The following NUFIP2 variants were observed in gnomAD, a reference collection of about 807,000 sequenced individuals.
NUFIP2 encodes FMR1-interacting protein NUFIP2.
NUFIP2 carries 6 observed loss-of-function variants against 56.9 expected under a neutral mutation model. That is an observed-to-expected ratio of 0.11 (90% CI 0.06 to 0.21). The LOEUF (loss-of-function observed/expected upper bound fraction) is 0.21, where lower values mean the gene tolerates loss of function less well. Ranked by LOEUF, NUFIP2 falls within the 10% of genes least tolerant of loss-of-function variation. NUFIP2 has a pLI of 1.00. For missense variants in NUFIP2, 828 were observed against 826.8 expected (o/e 1.00, Z -0.02); for synonymous variants, 321 against 298.2 (o/e 1.08, Z -0.79).
chr17:29,265,991 A>G (rs1168284277), intron 3 of NUFIP2, among the ~76,000 whole-genome samples: 5 of 152,000 alleles, frequency 3.3e-5, no homozygotes, highest in East Asian at 3.9e-4. Context: ...TTTTTTTCAG[A>G]CGAAGTTTCG....
In NUFIP2 at chr17:29,293,874, G is replaced by C; in HGVS notation, c.186C>G (p.Ala62=). Residue 62 remains alanine, a synonymous_variant, in exon 1 of 4, where the codon GCC becomes GCG. Transcript: ENST00000225388. ...TTGGCTGGGCCTTGGGGCTGCCCTC[G>C]GCTCCATGCTGCAGGTATTGGTGAG... The part of the protein sequence containing the change: ...QQPHQYLQHG[A]EGSPKAQPKP... The C allele has an allele frequency of 1.2e-6, 2 of 1,613,564 alleles. No homozygotes were observed. The highest frequency in any genetic ancestry group is 1.3e-5 in the African/African-American group (1 of 74,978).
chr17:29,288,093 G>T (rs987387272), intron 1 of NUFIP2, among the ~76,000 whole-genome samples: 8 of 152,208 alleles, frequency 5.3e-5, no homozygotes, highest in Admixed American at 1.3e-4. Flanking sequence ...GCCCAGGCTG[G>T]AGTGCAGTGG....
At chr17:29,272,267 G>C (rs2069079291) in intron 2 of NUFIP2, among the ~76,000 whole-genome samples, 1 of 141,472 alleles carries the variant, frequency 7.1e-6, no homozygotes, top group Non-Finnish European at 1.5e-5. Flanking sequence ...TGAGACAAGA[G>C]TCTTGCTCTG....
intron 2 of NUFIP2, among the ~76,000 whole-genome samples, chr17:29,269,842 TC>T (rs1379712204): frequency 6.6e-6 from 1 of 152,132 alleles, no homozygotes; most frequent in Non-Finnish European, 1.5e-5. Flanking sequence ...TGCCTCAGCT[TC>T]CCGAGTAACT....
intron 2 of NUFIP2, 149 bp downstream of exon 2, chr17:29,285,843 G>C: frequency 1.7e-6 from 1 of 604,806 alleles, no homozygotes; most frequent in Admixed American, 3.1e-5. Context: ...CAAGGACCCT[G>C]AATTAGTTTG....
In NUFIP2 at chr17:29,286,565, T is replaced by C. The variant is rs762839416; in HGVS notation, c.1429A>G (p.Asn477Asp). ...IKTSLFIYPS[N>D]MQTMLLSTAQ... ...GTGCTCAACAGCATAGTTTGCATATTTGAAGGATAGATAAAAAGGCTAGTC... is the reference window on the plus strand; with the variant it reads ...GTGCTCAACAGCATAGTTTGCATATCTGAAGGATAGATAAAAAGGCTAGTC... Residue 477 changes from asparagine to aspartate, a missense_variant, in exon 2 of 4, where the codon AAT (asparagine) becomes GAT (aspartate). Physicochemically the swap from Asn to Asp is conservative, Grantham distance 23. Transcript: ENST00000225388. 1.2e-6 allele frequency: 2 copies of C among 1,614,184 alleles called. No homozygotes were observed. The highest frequency in any genetic ancestry group is 1.7e-6 in the Non-Finnish European group (2 of 1,180,040).
At chr17:29,270,681 C>T (rs1041795231) in intron 2 of NUFIP2, among the ~76,000 whole-genome samples, 37 of 151,734 alleles carry the variant, frequency 2.4e-4, no homozygotes, top group African/African-American at 7.3e-4. Flanking sequence ...TTTAGTCATA[C>T]GCTGAAAAAA....
chr17:29,273,015 A>AATATAT lies in NUFIP2; in HGVS notation c.2003-5491_2003-5486dup, dbSNP rs3085674. On this transcript the variant is annotated intron_variant, in intron 2 of 3. Transcript: ENST00000225388. Reference sequence around the variant, plus strand: ...CAGGCACACGCCACCAGGCCCAGCTAATATATATATATATATATACACACA... The same window carrying AATATAT: ...CAGGCACACGCCACCAGGCCCAGCTAATATATATATATATATATATATATACACACA... Among the ~76,000 whole-genome samples the AATATAT allele has an allele frequency of 4.4e-3, 635 of 145,254 alleles. 9 individuals are homozygous for AATATAT. The highest frequency in any genetic ancestry group is 0.015 in the African/African-American group (593 of 39,382).
rs2069015284 is a variant in NUFIP2 at position 29,263,384 on chromosome 17, GAAGCTAAC to G, written c.*1147_*1154del. 6.6e-6 allele frequency: 1 copy of G among 152,532 alleles called. No homozygotes were observed. Among genetic ancestry groups the G allele is most frequent in the Non-Finnish European group, 1.5e-5 (1 of 68,010 alleles). The allele number at this position is 152,532 out of a possible 1,614,324, so 9.4% of individuals were successfully genotyped here. ...AAATATATTTATTAAGATATAATTA[GAAGCTAAC>G]AAGCTCAGAAGTATAGTTTGCATGA... On this transcript the variant is annotated 3_prime_UTR_variant, in exon 4 of 4. Coordinates refer to ENST00000225388, the MANE Select transcript of NUFIP2 (RefSeq NM_020772.3).
In NUFIP2 at chr17:29,286,183, G is replaced by C. The variant is rs1211786210; in HGVS notation, c.1811C>G (p.Ala604Gly). 11 of 1,613,794 alleles carry C rather than the reference G, an allele frequency of 6.8e-6. No individual in the cohort carries two copies. Among genetic ancestry groups the C allele is most frequent in the Non-Finnish European group, 8.5e-6 (10 of 1,179,826 alleles). Residue 604 changes from alanine to glycine, a missense_variant, in exon 2 of 4, where the codon GCA (alanine) becomes GGA (glycine). Physicochemically the swap from Ala to Gly is moderately conservative, Grantham distance 60. This residue lies in a region of NUFIP2 where 404 missense variants were observed against 380.3 expected (regional missense o/e 1.06). Coordinates refer to ENST00000225388, the MANE Select transcript of NUFIP2 (RefSeq NM_020772.3). ...TAAAGCACCTTGACTACTGGTGTCT[G>C]CTTTCTGCAGGTCACCTATATGACT... ...EPSHIGDLQK[A>G]DTSSQGALVF...
Position 29,287,725 on chromosome 17 carries a change from G to A in NUFIP2, c.278-9C>T, listed in dbSNP as rs771038400. 3 of 1,550,076 alleles carry A rather than the reference G, an allele frequency of 1.9e-6. No individual in the cohort carries two copies. The highest frequency in any genetic ancestry group is 2.2e-5 in the Admixed American group (1 of 45,746). On this transcript the variant is annotated splice_polypyrimidine_tract_variant and intron_variant, in intron 1 of 3. Coordinates refer to ENST00000225388, the MANE Select transcript of NUFIP2 (RefSeq NM_020772.3). The stretch of plus-strand genomic sequence containing the variant: ...GTTTAGTTCACCATAGCCTAGGGGA[G>A]GGGAAAAAAAGGATTAAAAAAAAAA...
At chr17:29,276,720 T>C (rs1191918716) in intron 2 of NUFIP2, among the ~76,000 whole-genome samples, 1 of 152,176 alleles carries the variant, frequency 6.6e-6, no homozygotes, top group African/African-American at 2.4e-5. Flanking sequence ...TCTCATCTAT[T>C]TATCACTACT....
chr17:29,268,387 TG>T, intron 2 of NUFIP2, among the ~76,000 whole-genome samples: 1 of 152,352 alleles, frequency 6.6e-6, no homozygotes, highest in African/African-American at 2.4e-5. Context: ...GACTCCTCAA[TG>T]AGGTGCCCAA....
intron 2 of NUFIP2, 51 bp from the exon 3 acceptor site, chr17:29,267,581 G>T (rs771148646): frequency 2.7e-6 from 3 of 1,116,708 alleles, no homozygotes; most frequent in Non-Finnish European, 3.9e-6. Flanking sequence ...AGCAAAGTCT[G>T]AAGCGATGCT....
chr17:29,268,609 C>T (rs2069052931), intron 2 of NUFIP2, among the ~76,000 whole-genome samples: 1 of 152,102 alleles, frequency 6.6e-6, no homozygotes, highest in African/African-American at 2.4e-5. Context: ...CATCCCCCTC[C>T]CGGGTTCAAG....
chr17:29,284,066 C>T (rs956510449), intron 2 of NUFIP2, among the ~76,000 whole-genome samples: 13 of 152,216 alleles, frequency 8.5e-5, no homozygotes, highest in Non-Finnish European at 2.9e-5. Context: ...TTATTCATCC[C>T]TGAGGCAGTA....
In NUFIP2 at chr17:29,256,996, G is replaced by A. The variant is rs1219816923; in HGVS notation, c.*7543C>T. ...TAAACCAGCTTTAAGACAAAAAATC[G>A]TCACCAAGTTCCATATGACAAAAAA... On this transcript the variant is annotated 3_prime_UTR_variant, in exon 4 of 4. Coordinates refer to ENST00000225388, the MANE Select transcript of NUFIP2 (RefSeq NM_020772.3). 1.3e-5 allele frequency: 2 copies of A among 152,062 alleles called. No homozygotes were observed. The highest frequency in any genetic ancestry group is 6.6e-5 in the Admixed American group (1 of 15,266). The allele number at this position is 152,062 out of a possible 1,614,324, so 9.4% of individuals were successfully genotyped here. A position where few individuals can be genotyped will look rare whatever the true frequency, so the allele number is the denominator to read the frequency against.
intron 2 of NUFIP2, among the ~76,000 whole-genome samples, chr17:29,278,318 C>G (rs2069120383): frequency 6.6e-6 from 1 of 151,938 alleles, no homozygotes; most frequent in Admixed American, 6.6e-5. Flanking sequence ...GCGATCTCGG[C>G]TCACTGCAAG....
intron 2 of NUFIP2, among the ~76,000 whole-genome samples, chr17:29,273,327 C>T (rs888228262): frequency 1.1e-4 from 17 of 152,134 alleles, no homozygotes; most frequent in Admixed American, 9.8e-4. Flanking sequence ...CGTGAGCCAC[C>T]GCGCCCAGCC....
Sources: allele counts gnomAD v4.1 joint callset (sites outside exome capture counted in the v4.1 genomes callset), GRCh38; gene constraint gnomAD v4.1.1; regional missense constraint gnomAD v4.1.1; transcripts MANE v1.5; gene names NCBI Gene and HGNC (gene_info 2026-07-23, HGNC 2026-07-21).